RPS6KA2: variants seen among roughly 807,000 people sequenced by gnomAD.
The protein encoded by RPS6KA2 is ribosomal protein S6 kinase alpha-2.
In RPS6KA2, 42 loss-of-function variants were observed where a neutral mutation model predicts 91.8. The ratio of observed to expected loss-of-function variants is 0.46; its 90% CI spans 0.36 to 0.59. The LOEUF (loss-of-function observed/expected upper bound fraction) is 0.59. RPS6KA2 is among the 20% of genes least tolerant of loss of function. The probability of loss-of-function intolerance (pLI) is 0.00; values close to 1 mark genes in which losing one functional copy is unlikely to be tolerated. For synonymous variants in RPS6KA2, 414 were observed against 393.6 expected, an observed-to-expected ratio of 1.05 and a Z score of -0.61; for missense variants, 798 against 978.5, an observed-to-expected ratio of 0.82 and a Z score of 2.46.
At chr6:166,438,719 G>C (rs879863070) in intron 14 of RPS6KA2, among the ~76,000 whole-genome samples, 2 of 152,204 alleles carry the variant, frequency 1.3e-5, no homozygotes, top group Admixed American at 6.5e-5. Context: ...TGTGTTTGAA[G>C]ATACAACAGG....
chr6:166,640,725 T>G (rs9295357), intron 2 of RPS6KA2, among the ~76,000 whole-genome samples: 50,664 of 151,456 alleles, frequency 0.33, 8,803 homozygotes, highest in African/African-American at 0.44. Context: ...TATTGTGAGG[T>G]CGAGCACTGT....
At chr6:166,637,983 C>T (rs751338071) in intron 2 of RPS6KA2, among the ~76,000 whole-genome samples, 5 of 152,214 alleles carry the variant, frequency 3.3e-5, no homozygotes, top group African/African-American at 7.2e-5. Context: ...AGCAGGGGGC[C>T]GGGAGCGTGG....
In RPS6KA2 at chr6:166,540,531, A is replaced by C. The variant is rs3778410; in HGVS notation, c.100-1747T>G. 5.6e-4 allele frequency among the ~76,000 whole-genome samples: 85 copies of C among 152,384 alleles called. 5 individuals carry two copies. The East Asian group carries it at 0.016, about 28-fold the overall frequency. ...TCCATCCTGAAGTTCATATGAGTGC[A>C]GTTGGAAGATACAGAATTACAATTT... is the stretch of plus-strand genomic sequence containing the variant. On this transcript the variant is annotated intron_variant, in intron 1 of 20. Coordinates refer to ENST00000265678, the MANE Select transcript of RPS6KA2 (RefSeq NM_021135.6).
At chr6:166,813,245 C>G (rs1481728024) in intron 2 of RPS6KA2, among the ~76,000 whole-genome samples, 1 of 152,134 alleles carries the variant, frequency 6.6e-6, no homozygotes, top group Non-Finnish European at 1.5e-5. Context: ...CAGAAGGTCC[C>G]ACAGCAGCAG....
intron 2 of RPS6KA2, among the ~76,000 whole-genome samples, chr6:166,636,681 C>T (rs1468807701): frequency 6.6e-6 from 1 of 152,134 alleles, no homozygotes; most frequent in Admixed American, 6.5e-5. Context: ...CAGAGCCCAG[C>T]TCACAGTAGG....
intron 6 of RPS6KA2, among the ~76,000 whole-genome samples, chr6:166,501,170 G>T (rs1361515599): frequency 2.6e-5 from 4 of 152,186 alleles, no homozygotes; most frequent in African/African-American, 9.7e-5. Context: ...ATGTGTGTTC[G>T]TGCAGCTGGA....
intron 9 of RPS6KA2, among the ~76,000 whole-genome samples, chr6:166,489,530 C>T (rs1207080246): frequency 6.6e-6 from 1 of 152,218 alleles, no homozygotes; most frequent in Non-Finnish European, 1.5e-5. Flanking sequence ...CCATCCCTCC[C>T]AAGTGGAATG....
At chr6:166,840,956 T>C (rs1780458903) in intron 2 of RPS6KA2, among the ~76,000 whole-genome samples, 1 of 151,048 alleles carries the variant, frequency 6.6e-6, no homozygotes, top group Non-Finnish European at 1.5e-5. Context: ...AGAGCGAAAC[T>C]TTGTCTAAAG....
intron 1 of RPS6KA2, among the ~76,000 whole-genome samples, chr6:166,564,534 G>C (rs1211460693): frequency 1.3e-4 from 20 of 152,186 alleles, no homozygotes; most frequent in Admixed American, 1.3e-3. Context: ...CAATGTTAAA[G>C]AGTTTCTGAA....
intron 14 of RPS6KA2, among the ~76,000 whole-genome samples, chr6:166,446,805 C>G (rs1461562046): frequency 6.6e-6 from 1 of 152,172 alleles, no homozygotes; most frequent in African/African-American, 2.4e-5. Context: ...TTTGAGCTCA[C>G]TGGGAAGCAG....
rs112249344 is a variant in RPS6KA2 at position 166,414,520 on chromosome 6, A to G, written c.1939-589T>C. 6.6e-3 allele frequency among the ~76,000 whole-genome samples: 998 copies of G among 152,362 alleles called. 12 individuals carry two copies. Among genetic ancestry groups the G allele is most frequent in the African/African-American group, 0.022 (907 of 41,584 alleles). On this transcript the variant is annotated intron_variant, in intron 19 of 20. Transcript: ENST00000265678. Reference sequence around the variant, plus strand: ...TACACATGCACATACAATACAGTGCACATTCTATTACAGTGAATTACATTT... The same window carrying G: ...TACACATGCACATACAATACAGTGCGCATTCTATTACAGTGAATTACATTT...
intron 1 of RPS6KA2, among the ~76,000 whole-genome samples, chr6:166,553,931 C>T (rs972586137): frequency 1.2e-4 from 18 of 152,110 alleles, no homozygotes. Flanking sequence ...CAGAACTTAG[C>T]CCTGCTGAAA....
intron 3 of RPS6KA2, among the ~76,000 whole-genome samples, chr6:166,528,002 G>A (rs1421066642): frequency 6.6e-6 from 1 of 152,126 alleles, no homozygotes; most frequent in Non-Finnish European, 1.5e-5. Flanking sequence ...ATTGGCTGGT[G>A]CTGCCATGAA....
At chr6:166,602,829 G>A (rs1397746333) in intron 1 of RPS6KA2, among the ~76,000 whole-genome samples, 1 of 152,208 alleles carries the variant, frequency 6.6e-6, no homozygotes, top group Non-Finnish European at 1.5e-5. Context: ...ATTTATGGGT[G>A]CAAAGGTGTT....
exon 1 of RPS6KA2, chr6:166,862,239 G>C (rs1051827474): frequency 4.4e-5 from 70 of 1,609,092 alleles, no homozygotes; most frequent in Non-Finnish European, 5.4e-5. Flanking sequence ...GGCTCGGACC[G>C]GCACAGGGGG....
chr6:166,591,214 G>A (rs954327798), intron 1 of RPS6KA2, among the ~76,000 whole-genome samples: 2 of 152,146 alleles, frequency 1.3e-5, no homozygotes, highest in African/African-American at 4.8e-5. Context: ...CACCCTCCAC[G>A]GGAGGCCCTG....
At chr6:166,673,413 C>G (rs1212130852) in intron 2 of RPS6KA2, among the ~76,000 whole-genome samples, 1 of 152,184 alleles carries the variant, frequency 6.6e-6, no homozygotes, top group African/African-American at 2.4e-5. Flanking sequence ...GTCTGGCTGC[C>G]CAGTCAGTCA....
At chr6:166,452,422 ATCT>A (rs1312044915) in intron 12 of RPS6KA2, among the ~76,000 whole-genome samples, 26 of 152,220 alleles carry the variant, frequency 1.7e-4, no homozygotes, top group Non-Finnish European at 3.4e-4. Context: ...ATTCAATGCA[ATCT>A]CTATCAAAAA....
chr6:166,513,218 G>C (rs543856024), intron 3 of RPS6KA2, among the ~76,000 whole-genome samples: 3 of 152,342 alleles, frequency 2.0e-5, no homozygotes. Context: ...GTCTAGACAG[G>C]CATCGAGTAG....
Sources: gnomAD v4.1 joint callset for allele counts (sites outside exome capture counted in the v4.1 genomes callset) on GRCh38, gnomAD v4.1.1 for gene constraint, MANE v1.5 for transcripts, NCBI Gene and HGNC (gene_info 2026-07-23, HGNC 2026-07-21) for gene names.